Variants in MLLT3 observed in about 807,000 individuals in gnomAD.
MLLT3 encodes the protein protein AF-9.
MLLT3 carries 4 observed loss-of-function variants against 53.2 expected under a neutral mutation model. That is an observed-to-expected ratio of 0.08 (90% confidence interval 0.04 to 0.17). The LOEUF (loss-of-function observed/expected upper bound fraction) is 0.17. Among genes scored for constraint, MLLT3 ranks in the 10% least tolerant of loss-of-function variants. The pLI is 1.00. For synonymous variants in MLLT3, 283 were observed against 230.6 expected (o/e 1.23, Z -2.06); for missense variants, 569 against 684.0 (o/e 0.83, Z 1.87).
chr9:20,380,952 T>G lies in MLLT3; in HGVS notation c.1126-15208A>C, dbSNP rs574200871. Among the ~76,000 whole-genome samples, 5 of 152,066 alleles carry G rather than the reference T, an allele frequency of 3.3e-5. No homozygotes were observed. The South Asian group carries it at 1.0e-3, about 32-fold the overall frequency. ...TGATGAACTGAGCAAACTGCAGAAT[T>G]CTCTGAGAATGGGCTGAGCAATGGC... On this transcript the variant is annotated intron_variant, in intron 5 of 10. Coordinates refer to ENST00000380338, the MANE Select transcript of MLLT3 (RefSeq NM_004529.4).
At position 20,342,408 on chromosome 9, in the gene MLLT3, T is replaced by C. The variant is rs1411053924; in HGVS notation, c.*4035A>G. On this transcript the variant is annotated 3_prime_UTR_variant, in exon 11 of 11. Coordinates refer to ENST00000380338, the MANE Select transcript of MLLT3 (RefSeq NM_004529.4). The stretch of plus-strand genomic sequence containing the variant: ...AAAAGATACTGACAGATTTATAAAA[T>C]GTATTGGCCTTGCACTGTTAATCTC... 4.5e-6 allele frequency: 1 copy of C among 222,776 alleles called. No homozygotes were observed. The highest frequency in any genetic ancestry group is 9.0e-6 in the Non-Finnish European group (1 of 111,628). 13.8% of individuals were successfully genotyped at this position (222,776 alleles called of 1,614,324 possible).
rs1375509253 is a variant in MLLT3, at chr9:20,621,291, G to A, written c.13-457C>T. ...GAAAGTACCGCGGCGACAGGCACAC[G>A]CCGAGGAAGTCTTTGTGTACGTGTG... On this transcript the variant is annotated intron_variant, in intron 1 of 10. Transcript: ENST00000380338. This position sits in a 1 kb window ranked among gnomAD's most constrained non-coding sequence, Gnocchi z 7.0. 6.6e-6 allele frequency among the ~76,000 whole-genome samples: 1 copy of A among 152,210 alleles called. No individual in the cohort carries two copies. The highest frequency in any genetic ancestry group is 2.4e-5 in the African/African-American group (1 of 41,472).
At chr9:20,455,193 C>T (rs917934685) in intron 3 of MLLT3, among the ~76,000 whole-genome samples, 8 of 152,280 alleles carry the variant, frequency 5.3e-5, no homozygotes, top group Non-Finnish European at 7.3e-5. Flanking sequence ...AATATGTCAA[C>T]GATTCAGTGG....
rs1178541821 is a variant in MLLT3 at position 20,393,834 on chromosome 9, G to C, written c.1125+19887C>G. Among the ~76,000 whole-genome samples the C allele has an allele frequency of 5.3e-5, 8 of 152,104 alleles. No individual in the cohort carries two copies. The East Asian group carries it at 1.5e-3, about 29-fold the overall frequency. On this transcript the variant is annotated intron_variant, in intron 5 of 10. Coordinates refer to ENST00000380338, the MANE Select transcript of MLLT3 (RefSeq NM_004529.4). ...GAGCATAGAAAACTAAGAGTAACAA[G>C]AGAAAGTGATAACTGTAACTTGAGA...
At chr9:20,456,926 C>T (rs1010545330) in intron 2 of MLLT3, 140 bp from the exon 3 acceptor site, 1 of 602,014 alleles carries the variant, frequency 1.7e-6, no homozygotes, top group Non-Finnish European at 2.9e-6. Flanking sequence ...AGTTGAGTCT[C>T]CGATCTATCC....
intron 5 of MLLT3, among the ~76,000 whole-genome samples, chr9:20,386,375 C>T (rs1339865070): frequency 6.6e-6 from 1 of 152,124 alleles, no homozygotes; most frequent in East Asian, 1.9e-4. Flanking sequence ...CAGTCCCAAG[C>T]CTACTACCTC....
At chr9:20,606,084 T>C (rs899531523) in intron 2 of MLLT3, among the ~76,000 whole-genome samples, 1 of 152,166 alleles carries the variant, frequency 6.6e-6, no homozygotes, top group Non-Finnish European at 1.5e-5. Flanking sequence ...AAGTAATTAA[T>C]GACGAGAATT....
intron 5 of MLLT3, chr9:20,380,243 C>T (rs936232659): frequency 1.3e-5 from 2 of 151,888 alleles, no homozygotes; most frequent in African/African-American, 2.4e-5. Flanking sequence ...AGGACAGCAC[C>T]GGTAAAGGTC....
chr9:20,467,597 A>G (rs1824268299), intron 2 of MLLT3, among the ~76,000 whole-genome samples: 1 of 152,202 alleles, frequency 6.6e-6, no homozygotes, highest in South Asian at 2.1e-4. Context: ...ATAACAAAAT[A>G]AAAAATAAAA....
chr9:20,510,925 C>T (rs941164147), intron 2 of MLLT3, among the ~76,000 whole-genome samples: 1 of 152,096 alleles, frequency 6.6e-6, no homozygotes, highest in Non-Finnish European at 1.5e-5. Context: ...AATGTGGTTG[C>T]CATCAATACC....
intron 2 of MLLT3, among the ~76,000 whole-genome samples, chr9:20,466,735 T>C (rs1197503831): frequency 6.6e-6 from 1 of 152,066 alleles, no homozygotes; most frequent in Non-Finnish European, 1.5e-5. Flanking sequence ...AATTACTAAG[T>C]AGGGGGACAA....
At chr9:20,416,165 T>C (rs894365628) in intron 4 of MLLT3, among the ~76,000 whole-genome samples, 2 of 151,992 alleles carry the variant, frequency 1.3e-5, no homozygotes, top group African/African-American at 4.8e-5. Context: ...TAAAGTATAA[T>C]GGACAAACCA....
At chr9:20,350,322 G>A (rs891327312) in intron 10 of MLLT3, among the ~76,000 whole-genome samples, 10 of 152,174 alleles carry the variant, frequency 6.6e-5, no homozygotes, top group Non-Finnish European at 1.0e-4. Flanking sequence ...GCGGCCGGGC[G>A]CGGTGGCTCA....
intron 2 of MLLT3, among the ~76,000 whole-genome samples, chr9:20,498,563 C>T (rs964443126): frequency 6.6e-6 from 1 of 152,164 alleles, no homozygotes; most frequent in Admixed American, 6.5e-5. Context: ...CACATGCAGC[C>T]CAAGATGGCT....
intron 2 of MLLT3, among the ~76,000 whole-genome samples, chr9:20,529,532 T>C (rs1157689147): frequency 6.6e-6 from 1 of 152,196 alleles, no homozygotes; most frequent in Non-Finnish European, 1.5e-5. Context: ...AGTTAGTTCA[T>C]TTAATTGACC....
intron 2 of MLLT3, among the ~76,000 whole-genome samples, chr9:20,535,338 T>A (rs779539530): frequency 4.6e-5 from 7 of 152,134 alleles, no homozygotes; most frequent in Non-Finnish European, 1.0e-4. Flanking sequence ...GAAAATTGTC[T>A]TCCATGAAAC....
rs369506683 is a variant in MLLT3 at position 20,394,632 on chromosome 9, G to T, written c.1125+19089C>A. On this transcript the variant is annotated intron_variant, in intron 5 of 10. Transcript: ENST00000380338. Reference sequence around the variant, plus strand: ...ATCTACTCAGAATATGGAACTAGTTGTAACTTCCACCACAGAGATATCACC... The same window carrying T: ...ATCTACTCAGAATATGGAACTAGTTTTAACTTCCACCACAGAGATATCACC... 3.9e-5 allele frequency among the ~76,000 whole-genome samples: 6 copies of T among 152,240 alleles called. No homozygotes were observed. The East Asian group carries it at 1.2e-3, about 29-fold the overall frequency.
At chr9:20,463,864 G>C (rs1463901505) in intron 2 of MLLT3, among the ~76,000 whole-genome samples, 1 of 152,038 alleles carries the variant, frequency 6.6e-6, no homozygotes, top group Non-Finnish European at 1.5e-5. Context: ...AGCAACACTA[G>C]CTACACAGAA....
chr9:20,456,665 G>A, intron 3 of MLLT3, 39 bp downstream of exon 3: 1 of 1,356,472 alleles, frequency 7.4e-7, no homozygotes, highest in Non-Finnish European at 1.1e-6. Context: ...GCTAATGGTG[G>A]ATCGTCTACT....
Sources: gnomAD v4.1 joint callset for allele counts (sites outside exome capture counted in the v4.1 genomes callset) on GRCh38, gnomAD v4.1.1 for gene constraint, Gnocchi (gnomAD v3.1) non-coding constraint, MANE v1.5 for transcripts, NCBI Gene and HGNC (gene_info 2026-07-23, HGNC 2026-07-21) for gene names.